GALNTL6: variants seen among roughly 807,000 people sequenced by gnomAD.
The protein encoded by GALNTL6 is polypeptide N-acetylgalactosaminyltransferase-like 6.
A neutral mutation model predicts 73.7 loss-of-function variants in GALNTL6; 46 were observed. The observed-to-expected ratio is 0.62, with a 90% CI of 0.49 to 0.80. GALNTL6 has a LOEUF of 0.80. Ranked by LOEUF, GALNTL6 falls within the 30% of genes least tolerant of loss-of-function variation. GALNTL6 has a pLI of 0.00. For missense variants in GALNTL6, 604 were observed against 755.0 expected (o/e 0.80, Z 2.34); for synonymous variants, 259 against 263.7 (o/e 0.98, Z 0.17).
chr4:172,329,014 C>T (rs1374099081), intron 4 of GALNTL6, among the ~76,000 whole-genome samples: 2 of 152,112 alleles, frequency 1.3e-5, no homozygotes, highest in African/African-American at 2.4e-5. Flanking sequence ...GGGCTGCCTC[C>T]GAAGTGGTCA....
chr4:172,007,985 G>A (rs1740888452), intron 2 of GALNTL6, among the ~76,000 whole-genome samples: 1 of 151,798 alleles, frequency 6.6e-6, no homozygotes, highest in Admixed American at 6.6e-5. Context: ...TTTTTCTGCT[G>A]TGTCTAGACA....
At chr4:172,945,673 C>T (rs1749131650) in intron 9 of GALNTL6, among the ~76,000 whole-genome samples, 2 of 152,130 alleles carry the variant, frequency 1.3e-5, no homozygotes, top group South Asian at 4.1e-4. Flanking sequence ...AAGAAGATAA[C>T]CACCTACAAA....
intron 5 of GALNTL6, among the ~76,000 whole-genome samples, chr4:172,572,205 G>A (rs917530835): frequency 6.6e-6 from 1 of 152,190 alleles, no homozygotes; most frequent in Non-Finnish European, 1.5e-5. Flanking sequence ...TCACAGTTCT[G>A]TCCACAGCAT....
At chr4:172,928,740 T>G (rs1454930222) in intron 8 of GALNTL6, among the ~76,000 whole-genome samples, 1 of 152,240 alleles carries the variant, frequency 6.6e-6, no homozygotes, top group Admixed American at 6.5e-5. Context: ...TCTCTGAATT[T>G]TATCTTATCA....
rs539138418 is a variant in GALNTL6 at position 172,178,690 on chromosome 4, A to G, written c.139-50966A>G. ...TTTATTATACTTTAAGTTTTAGGGT[A>G]CATGTGCACATTGTGCAGGTTAGTT... On this transcript the variant is annotated intron_variant, in intron 2 of 12. Coordinates refer to ENST00000506823, the MANE Select transcript of GALNTL6 (RefSeq NM_001034845.3). Among the ~76,000 whole-genome samples, 328 of 137,574 alleles carry G rather than the reference A, an allele frequency of 2.4e-3. 2 individuals are homozygous for G. The highest frequency in any genetic ancestry group is 9.0e-3 in the African/African-American group (322 of 35,974). 90.3% of individuals were successfully genotyped at this position (137,574 alleles called of 152,430 possible).
intron 5 of GALNTL6, among the ~76,000 whole-genome samples, chr4:172,394,042 C>G (rs1208789071): frequency 6.6e-6 from 1 of 152,006 alleles, no homozygotes; most frequent in African/African-American, 2.4e-5. Flanking sequence ...GTTGATTGTT[C>G]ATGGCTAATA....
intron 5 of GALNTL6, among the ~76,000 whole-genome samples, chr4:172,731,113 G>A (rs1736124027): frequency 6.6e-6 from 1 of 151,506 alleles, no homozygotes; most frequent in East Asian, 1.9e-4. Flanking sequence ...GAGAGTTTGA[G>A]TAGGATTGAT....
chr4:171,926,430 T>A (rs1032345993), intron 2 of GALNTL6, among the ~76,000 whole-genome samples: 20 of 152,150 alleles, frequency 1.3e-4, no homozygotes, highest in Non-Finnish European at 2.4e-4. Flanking sequence ...TCTTTTCTAC[T>A]GTTTCTCTAA....
chr4:171,976,562 G>A (rs1486940737), intron 2 of GALNTL6, among the ~76,000 whole-genome samples: 2 of 152,200 alleles, frequency 1.3e-5, no homozygotes, highest in Admixed American at 6.5e-5. Flanking sequence ...TATTGGTAAA[G>A]TTAACAAGAA....
intron 2 of GALNTL6, among the ~76,000 whole-genome samples, chr4:172,045,548 T>A (rs2110847865): frequency 6.6e-6 from 1 of 152,122 alleles, no homozygotes; most frequent in African/African-American, 2.4e-5. Context: ...TAGTATTAAA[T>A]GCTTTCCAAA....
chr4:171,982,453 A>G (rs1427293626), intron 2 of GALNTL6, among the ~76,000 whole-genome samples: 4 of 151,762 alleles, frequency 2.6e-5, no homozygotes, highest in Non-Finnish European at 5.9e-5. Context: ...GCCCGCCACC[A>G]CGCCCGGCTG....
chr4:172,039,789 T>C (rs1308708698), intron 2 of GALNTL6, among the ~76,000 whole-genome samples: 2 of 152,158 alleles, frequency 1.3e-5, no homozygotes, highest in East Asian at 1.9e-4. Context: ...TGTCAGTACC[T>C]ATAAAGGGAT....
At chr4:171,989,009 G>A (rs974848012) in intron 2 of GALNTL6, among the ~76,000 whole-genome samples, 1 of 152,092 alleles carries the variant, frequency 6.6e-6, no homozygotes, top group African/African-American at 2.4e-5. Flanking sequence ...GGCCTAATAA[G>A]GGAACTGGGC....
rs1266235777 is a variant in GALNTL6 at position 172,252,474 on chromosome 4, G to A, written c.247+22710G>A. Among the ~76,000 whole-genome samples, 7 of 152,010 alleles carry A rather than the reference G, an allele frequency of 4.6e-5. No individual in the cohort carries two copies. The East Asian group carries it at 5.8e-4, about 13-fold the overall frequency. On this transcript the variant is annotated intron_variant, in intron 3 of 12. Transcript: ENST00000506823. Reference sequence around the variant, plus strand: ...AATTCTAACCAATGAAAAAATAAGTGAGAATAAAAATCTGCAGGATAGGGA... The same window carrying A: ...AATTCTAACCAATGAAAAAATAAGTAAGAATAAAAATCTGCAGGATAGGGA...
intron 2 of GALNTL6, among the ~76,000 whole-genome samples, chr4:171,912,274 G>C (rs140039096): frequency 1.3e-5 from 2 of 152,214 alleles, no homozygotes; most frequent in African/African-American, 4.8e-5. Context: ...ATATTTGTCA[G>C]ATTCTCTTGT....
At chr4:172,328,875 C>T (rs536780140) in intron 4 of GALNTL6, among the ~76,000 whole-genome samples, 1 of 152,208 alleles carries the variant, frequency 6.6e-6, no homozygotes. Flanking sequence ...TCAGCCAACT[C>T]ATCCTGGTTA....
At chr4:172,791,853 A>G (rs1170039055) in intron 5 of GALNTL6, among the ~76,000 whole-genome samples, 3 of 152,242 alleles carry the variant, frequency 2.0e-5, no homozygotes, top group Admixed American at 1.3e-4. Flanking sequence ...TCATTGTCAG[A>G]GAAAACAGCC....
At chr4:172,115,742 C>CTAT (rs1246519464) in intron 2 of GALNTL6, among the ~76,000 whole-genome samples, 1 of 151,476 alleles carries the variant, frequency 6.6e-6, no homozygotes, top group African/African-American at 2.4e-5. Flanking sequence ...GAACAGTAAG[C>CTAT]CTGAAGTAAA....
chr4:171,839,464 A>G (rs1044040590), intron 2 of GALNTL6, among the ~76,000 whole-genome samples: 1 of 152,090 alleles, frequency 6.6e-6, no homozygotes, highest in Admixed American at 6.6e-5. Flanking sequence ...TCATAAATTT[A>G]TGTCTCTTTT....
Sources: allele counts gnomAD v4.1 joint callset (sites outside exome capture counted in the v4.1 genomes callset), GRCh38; gene constraint gnomAD v4.1.1; transcripts MANE v1.5; gene names NCBI Gene and HGNC (gene_info 2026-07-23, HGNC 2026-07-21).